HPF1: variants seen among roughly 807,000 people sequenced by gnomAD.
HPF1 encodes the protein histone PARylation factor 1.
In HPF1, 35 loss-of-function variants were observed where a neutral mutation model predicts 38.8. That is an observed-to-expected ratio of 0.90 (90% CI 0.69 to 1.19). The LOEUF (loss-of-function observed/expected upper bound fraction) is 1.19. HPF1 is among the 50% of genes most tolerant of loss of function. The pLI, the probability that HPF1 is intolerant of heterozygous loss-of-function variation, is 0.00. For synonymous variants in HPF1, 115 were observed against 139.2 expected (o/e 0.83, Z 1.22); for missense variants, 367 against 405.8 (o/e 0.90, Z 0.82).
intron 6 of HPF1, among the ~76,000 whole-genome samples, chr4:169,735,127 CAAA>C (rs375885652): frequency 1.0e-5 from 1 of 98,416 alleles, no homozygotes. Context: ...AATTCCATCT[CAAA>C]AAAAAAAAAA....
intron 4 of HPF1, among the ~76,000 whole-genome samples, chr4:169,746,963 T>G (rs1163891878): frequency 7.0e-6 from 1 of 143,260 alleles, no homozygotes; most frequent in Non-Finnish European, 1.5e-5. Flanking sequence ...TGGGTTATGT[T>G]ACATGACCAC....
intron 1 of HPF1, among the ~76,000 whole-genome samples, chr4:169,755,164 G>C (rs1446034264): frequency 2.0e-5 from 3 of 146,574 alleles, no homozygotes; most frequent in Non-Finnish European, 4.5e-5. Flanking sequence ...GATGATACAA[G>C]AATGGTCATG....
chr4:169,735,142 A>AG (rs1560886885), intron 6 of HPF1, among the ~76,000 whole-genome samples: 2 of 150,582 alleles, frequency 1.3e-5, no homozygotes, highest in Admixed American at 6.6e-5. Flanking sequence ...AAAAAAAAAA[A>AG]GAAGAAAGAA....
Position 169,750,583 on chromosome 4 carries a change from G to A in HPF1, c.351C>T (p.Thr117=). 1 of 1,611,718 alleles carries A rather than the reference G, an allele frequency of 6.2e-7. No homozygotes were observed. The highest frequency in any genetic ancestry group is 8.5e-7 in the Non-Finnish European group (1 of 1,179,162). ...RFYYDPPEFQ[T]IIIGDNKTQY... ...GAGTTTTATTATCTCCAATAATAATGGTCTGGAACTCAGGAGGATCATAGT... is the reference window on the plus strand; with the variant it reads ...GAGTTTTATTATCTCCAATAATAATAGTCTGGAACTCAGGAGGATCATAGT... Residue 117 remains threonine, a synonymous_variant, in exon 3 of 8, where the codon ACC becomes ACT. Transcript: ENST00000393381.
chr4:169,732,474 T>C (rs1051030834), intron 6 of HPF1, among the ~76,000 whole-genome samples: 3 of 152,076 alleles, frequency 2.0e-5, no homozygotes, highest in African/African-American at 7.3e-5. Flanking sequence ...TATTCCATGG[T>C]GGTCATCATG....
At chr4:169,732,233 C>T (rs1317005341) in intron 6 of HPF1, among the ~76,000 whole-genome samples, 11 of 150,838 alleles carry the variant, frequency 7.3e-5, no homozygotes, top group African/African-American at 2.7e-4. Flanking sequence ...CTCTGCCTCC[C>T]AGGTTCAAGC....
chr4:169,756,761 A>G (rs1236722985), intron 1 of HPF1, among the ~76,000 whole-genome samples: 1 of 152,216 alleles, frequency 6.6e-6, no homozygotes, highest in Admixed American at 6.5e-5. Flanking sequence ...TTTCTAGTTA[A>G]GCACATCACT....
At chr4:169,751,113 A>G (rs2150293205) in intron 2 of HPF1, among the ~76,000 whole-genome samples, 1 of 152,286 alleles carries the variant, frequency 6.6e-6, no homozygotes, top group East Asian at 1.9e-4. Context: ...GATTAAGAGT[A>G]GTAAAAAACA....
At chr4:169,757,331 T>G (rs1734201240) in intron 1 of HPF1, among the ~76,000 whole-genome samples, 1 of 152,240 alleles carries the variant, frequency 6.6e-6, no homozygotes, top group Non-Finnish European at 1.5e-5. Context: ...AAAAGTCTTC[T>G]TTAACACCCC....
chr4:169,735,063 G>T (rs1238349214), intron 6 of HPF1, among the ~76,000 whole-genome samples: 14 of 150,158 alleles, frequency 9.3e-5, no homozygotes, highest in Admixed American at 2.0e-4. Flanking sequence ...GGAGGCGGAG[G>T]TTACAGTGAG....
In HPF1 at chr4:169,737,381, C is replaced by T. The variant is rs1560887507; in HGVS notation, c.736+279G>A. 2.0e-5 allele frequency among the ~76,000 whole-genome samples: 3 copies of T among 151,164 alleles called. No homozygotes were observed. The South Asian group carries it at 6.3e-4, about 32-fold the overall frequency. Reference sequence around the variant, plus strand: ...TGTTAAGTATTTTAATACTTGTTTACACCACAAATTCCTTTATGAAGTGCA... The same window carrying T: ...TGTTAAGTATTTTAATACTTGTTTATACCACAAATTCCTTTATGAAGTGCA... On this transcript the variant is annotated intron_variant, in intron 6 of 7. Coordinates refer to ENST00000393381, the MANE Select transcript of HPF1 (RefSeq NM_017867.3).
At chr4:169,755,682 A>T (rs1734180035) in intron 1 of HPF1, among the ~76,000 whole-genome samples, 1 of 152,238 alleles carries the variant, frequency 6.6e-6, no homozygotes, top group African/African-American at 2.4e-5. Flanking sequence ...TCTTGATTAT[A>T]TGCAGCATGA....
chr4:169,751,865 T>C (rs1337795970), intron 2 of HPF1, among the ~76,000 whole-genome samples: 2 of 152,196 alleles, frequency 1.3e-5, no homozygotes, highest in Non-Finnish European at 2.9e-5. Context: ...TAATAGTCTA[T>C]TATACAGTAA....
At position 169,750,618 on chromosome 4, in the gene HPF1, A is replaced by C. The variant is rs1240806238; in HGVS notation, c.316T>G (p.Trp106Gly). The change falls in exon 3 of 8, where the codon TGG (tryptophan) becomes GGG (glycine). Residue 106 changes from tryptophan to glycine, a missense_variant. Trp to Gly is a radical substitution (Grantham distance 184). Coordinates refer to ENST00000393381, the MANE Select transcript of HPF1 (RefSeq NM_017867.3). The part of the protein sequence containing the change: ...KSTGLNFNLH[W>G]RFYYDPPEFQ... ...TCAGGAGGATCATAGTAAAACCTCC[A>C]GTGAAGGTTAAAATTCAGGCCTGTT... 2 of 1,613,516 alleles carry C rather than the reference A, an allele frequency of 1.2e-6. No individual in the cohort carries two copies. Among genetic ancestry groups the C allele is most frequent in the Non-Finnish European group, 1.7e-6 (2 of 1,179,634 alleles).
rs1733800455 is a variant in HPF1, at chr4:169,729,486, GTT to G, written c.*90_*91del. 8.8e-7 allele frequency: 1 copy of G among 1,131,150 alleles called. No homozygotes were observed. The highest frequency in any genetic ancestry group is 1.2e-6 in the Non-Finnish European group (1 of 853,616). The allele number at this position is 1,131,150 out of a possible 1,614,324, so 70.1% of individuals were successfully genotyped here. A position where few individuals can be genotyped will look rare whatever the true frequency, so the allele number is the denominator to read the frequency against. On this transcript the variant is annotated 3_prime_UTR_variant, in exon 8 of 8. Transcript: ENST00000393381. ...AACCTTATAAACGTTTTTAGTAAAT[GTT>G]TATTTTTTGTATTCCTTAAAAACAA...
chr4:169,756,484 T>G (rs548006540), intron 1 of HPF1, among the ~76,000 whole-genome samples: 61 of 152,346 alleles, frequency 4.0e-4, no homozygotes, highest in Non-Finnish European at 6.2e-4. Flanking sequence ...AGGCTTAATC[T>G]GCCTTGCTGA....
At chr4:169,748,930 A>C (rs568048252) in intron 3 of HPF1, 88 bp from the exon 4 acceptor site, 1 of 645,326 alleles carries the variant, frequency 1.5e-6, no homozygotes, top group African/African-American at 1.9e-5. Flanking sequence ...ACAACAATTT[A>C]CACCTATTTT....
At chr4:169,736,375 A>T (rs912618199) in intron 6 of HPF1, among the ~76,000 whole-genome samples, 5 of 143,828 alleles carry the variant, frequency 3.5e-5, no homozygotes, top group African/African-American at 5.5e-5. Context: ...AAAAAAAAAA[A>T]AGAAGTAAAA....
chr4:169,744,322 A>G (rs79468179), intron 4 of HPF1, among the ~76,000 whole-genome samples: 1,836 of 152,286 alleles, frequency 0.012, 19 homozygotes, highest in Non-Finnish European at 0.017. Flanking sequence ...CTCTGCCACT[A>G]TTGAAGGCAC....
Sources: allele counts gnomAD v4.1 joint callset (sites outside exome capture counted in the v4.1 genomes callset), GRCh38; gene constraint gnomAD v4.1.1; transcripts MANE v1.5; gene names NCBI Gene and HGNC (gene_info 2026-07-23, HGNC 2026-07-21).